Variants in ARHGAP15 observed in about 807,000 individuals in gnomAD.
ARHGAP15 encodes the protein rho GTPase-activating protein 15.
A neutral mutation model predicts 63.7 loss-of-function variants in ARHGAP15; 51 were observed. The observed-to-expected ratio is 0.80, with a 90% CI of 0.64 to 1.01. The LOEUF (loss-of-function observed/expected upper bound fraction) is 1.01, where lower values mean the gene tolerates loss of function less well. ARHGAP15 is among the 50% of genes least tolerant of loss of function. The pLI is 0.00. For synonymous variants in ARHGAP15, 191 were observed against 193.8 expected (o/e 0.99, Z 0.12); for missense variants, 560 against 564.6 (o/e 0.99, Z 0.08).
At chr2:143,388,154 C>CA (rs1390366110) in intron 6 of ARHGAP15, among the ~76,000 whole-genome samples, 2 of 152,010 alleles carry the variant, frequency 1.3e-5, no homozygotes, top group African/African-American at 2.4e-5. Context: ...TATTTGTTTC[C>CA]AAAATTATTC....
chr2:143,440,011 G>A (rs1188222008), intron 8 of ARHGAP15, among the ~76,000 whole-genome samples: 1 of 151,742 alleles, frequency 6.6e-6, no homozygotes, highest in Non-Finnish European at 1.5e-5. Context: ...ATTCTTTTCT[G>A]TATCTTGGTG....
At chr2:143,176,776 G>A (rs985668991) in intron 2 of ARHGAP15, among the ~76,000 whole-genome samples, 8 of 152,202 alleles carry the variant, frequency 5.3e-5, no homozygotes, top group Non-Finnish European at 1.2e-4. Context: ...CATCTCATTG[G>A]CTGGGGCAGC....
intron 3 of ARHGAP15, among the ~76,000 whole-genome samples, chr2:143,206,806 T>C (rs1011206996): frequency 2.0e-5 from 3 of 152,064 alleles, no homozygotes; most frequent in African/African-American, 7.2e-5. Flanking sequence ...AGTACAAAAA[T>C]AATTATGAAG....
At chr2:143,681,317 CT>C (rs1683090886) in intron 12 of ARHGAP15, among the ~76,000 whole-genome samples, 1 of 152,106 alleles carries the variant, frequency 6.6e-6, no homozygotes, top group African/African-American at 2.4e-5. Context: ...ATCCCTGGGC[CT>C]TTATGTTAAT....
intron 8 of ARHGAP15, among the ~76,000 whole-genome samples, chr2:143,473,732 G>A (rs1187706805): frequency 1.3e-5 from 2 of 152,104 alleles, no homozygotes; most frequent in Non-Finnish European, 1.5e-5. Context: ...AATCCCAAAT[G>A]CTTTTTTGCT....
At chr2:143,578,575 G>A (rs548545071) in intron 11 of ARHGAP15, among the ~76,000 whole-genome samples, 8 of 152,226 alleles carry the variant, frequency 5.3e-5, no homozygotes, top group East Asian at 1.9e-4. Flanking sequence ...AAAAAGGTGG[G>A]GGGGTAGTTT....
intron 2 of ARHGAP15, among the ~76,000 whole-genome samples, chr2:143,174,115 A>G (rs1464787995): frequency 6.6e-6 from 1 of 151,966 alleles, no homozygotes; most frequent in Non-Finnish European, 1.5e-5. Flanking sequence ...ACTGCTAGCA[A>G]TCCTCCTTTA....
At chr2:143,425,207 A>G (rs1397788784) in intron 6 of ARHGAP15, among the ~76,000 whole-genome samples, 3 of 152,106 alleles carry the variant, frequency 2.0e-5, no homozygotes, top group Non-Finnish European at 2.9e-5. Context: ...GTGATATGTC[A>G]TTCCAGATGT....
intron 1 of ARHGAP15, among the ~76,000 whole-genome samples, chr2:143,153,776 A>AATC (rs1470751390): frequency 9.9e-5 from 14 of 141,412 alleles, no homozygotes; most frequent in African/African-American, 3.8e-4. Context: ...TTATATAATA[A>AATC]ATCTTCTTCT....
At chr2:143,293,999 A>T (rs1682522902) in intron 6 of ARHGAP15, among the ~76,000 whole-genome samples, 1 of 152,078 alleles carries the variant, frequency 6.6e-6, no homozygotes, top group Non-Finnish European at 1.5e-5. Context: ...ACTCAATGGT[A>T]AATTAGTCTT....
intron 6 of ARHGAP15, among the ~76,000 whole-genome samples, chr2:143,332,853 G>C (rs768042610): frequency 6.6e-5 from 10 of 151,304 alleles, no homozygotes; most frequent in Admixed American, 1.3e-4. Flanking sequence ...AATATTATTA[G>C]TTCTGGAGTA....
chr2:143,256,264 G>T (rs1377077374), intron 6 of ARHGAP15, among the ~76,000 whole-genome samples: 2 of 152,026 alleles, frequency 1.3e-5, no homozygotes, highest in Admixed American at 6.6e-5. Context: ...TTCCAGATAT[G>T]AATTTTAGAA....
At chr2:143,660,493 C>T (rs1359921130) in intron 12 of ARHGAP15, among the ~76,000 whole-genome samples, 1 of 152,156 alleles carries the variant, frequency 6.6e-6, no homozygotes, top group Non-Finnish European at 1.5e-5. Flanking sequence ...GGGTTGGAAA[C>T]AAGGAAGACT....
intron 12 of ARHGAP15, among the ~76,000 whole-genome samples, chr2:143,643,463 T>C (rs1171835869): frequency 9.1e-5 from 12 of 131,420 alleles, no homozygotes; most frequent in African/African-American, 3.0e-4. Flanking sequence ...AGAGTGTTAC[T>C]GAAAGTATAC....
intron 6 of ARHGAP15, among the ~76,000 whole-genome samples, chr2:143,271,984 T>C (rs1041803851): frequency 6.6e-6 from 1 of 152,260 alleles, no homozygotes; most frequent in African/African-American, 2.4e-5. Flanking sequence ...CTTTTTTTAC[T>C]TGGATGCGGG....
chr2:143,317,046 C>A (rs1350572175), intron 6 of ARHGAP15, among the ~76,000 whole-genome samples: 1 of 152,182 alleles, frequency 6.6e-6, no homozygotes, highest in East Asian at 1.9e-4. Context: ...CTATCCCTCT[C>A]TCTCTCTCTC....
intron 6 of ARHGAP15, among the ~76,000 whole-genome samples, chr2:143,432,446 T>A (rs1393592490): frequency 6.6e-6 from 1 of 152,064 alleles, no homozygotes; most frequent in African/African-American, 2.4e-5. Flanking sequence ...AAGCTCCATT[T>A]AATTAAAATC....
intron 9 of ARHGAP15, among the ~76,000 whole-genome samples, chr2:143,517,909 G>C (rs769630802): frequency 1.3e-5 from 2 of 152,144 alleles, no homozygotes; most frequent in East Asian, 3.8e-4. Context: ...ATTTAAAGAC[G>C]GGGAGGAAAG....
intron 12 of ARHGAP15, among the ~76,000 whole-genome samples, chr2:143,667,206 G>C (rs1314025930): frequency 6.7e-6 from 1 of 149,280 alleles, no homozygotes; most frequent in African/African-American, 2.5e-5. Context: ...TTAAGAAAAT[G>C]TGGCACATAT....
Sources: gnomAD v4.1 joint callset for allele counts (sites outside exome capture counted in the v4.1 genomes callset) on GRCh38, gnomAD v4.1.1 for gene constraint, MANE v1.5 for transcripts, NCBI Gene and HGNC (gene_info 2026-07-23, HGNC 2026-07-21) for gene names.